The following PPP2R5E variants were observed in gnomAD, a reference collection of about 807,000 sequenced individuals.
The protein encoded by PPP2R5E is serine/threonine-protein phosphatase 2A 56 kDa regulatory subunit epsilon isoform.
PPP2R5E carries 4 observed loss-of-function variants against 65.3 expected under a neutral mutation model. That is an observed-to-expected ratio of 0.06 (90% confidence interval 0.03 to 0.14). The LOEUF (loss-of-function observed/expected upper bound fraction) is 0.14, where lower values mean the gene tolerates loss of function less well. Ranked by LOEUF, PPP2R5E falls within the 10% of genes least tolerant of loss-of-function variation. The pLI is 1.00. For synonymous variants in PPP2R5E, 183 were observed against 187.4 expected, an observed-to-expected ratio of 0.98 and a Z score of 0.19; for missense variants, 274 against 556.1, an observed-to-expected ratio of 0.49 and a Z score of 5.10.
chr14:63,383,151 G>A (rs1185340934), intron 12 of PPP2R5E, among the ~76,000 whole-genome samples: 1 of 152,140 alleles, frequency 6.6e-6, no homozygotes, highest in Non-Finnish European at 1.5e-5. Context: ...TTAGCTCTTG[G>A]GCAATGTGAG....
intron 3 of PPP2R5E, among the ~76,000 whole-genome samples, chr14:63,450,117 C>A (rs986734645): frequency 2.0e-5 from 3 of 152,090 alleles, no homozygotes; most frequent in African/African-American, 7.2e-5. Flanking sequence ...CTCAAGTGAT[C>A]CACGCGCCTC....
intron 2 of PPP2R5E, among the ~76,000 whole-genome samples, chr14:63,480,218 G>A (rs547967624): frequency 6.6e-6 from 1 of 152,132 alleles, no homozygotes; most frequent in African/African-American, 2.4e-5. Context: ...AGCACTTTGG[G>A]AGGCCAAGGA....
At position 63,396,696 on chromosome 14, in the gene PPP2R5E, G is replaced by A. The variant is rs148896607; in HGVS notation, c.570C>T (p.Ser190=). The change falls in exon 6 of 14, where the codon AGC becomes AGT. Residue 190 remains serine, a synonymous_variant. Coordinates refer to ENST00000337537, the MANE Select transcript of PPP2R5E (RefSeq NM_006246.5). ...FVLQLLELFD[S]EDPRERDYLK... ...AGTAGTCCCGTTCCCGAGGGTCTTCGCTGTCAAATAGCTCCAGAAGCTGTT... is the reference window on the plus strand; with the variant it reads ...AGTAGTCCCGTTCCCGAGGGTCTTCACTGTCAAATAGCTCCAGAAGCTGTT... 118 of 1,613,388 alleles carry A rather than the reference G, an allele frequency of 7.3e-5. No individual in the cohort carries two copies. The African/African-American group carries it at 1.2e-3, about 16-fold the overall frequency.
At chr14:63,479,551 G>T (rs990478005) in intron 2 of PPP2R5E, 9 of 152,136 alleles carry the variant, frequency 5.9e-5, no homozygotes, top group African/African-American at 2.4e-5. Flanking sequence ...TCTACACTTA[G>T]AACAGACACT....
chr14:63,385,351 G>C (rs1055321143), intron 11 of PPP2R5E, among the ~76,000 whole-genome samples: 51 of 152,104 alleles, frequency 3.4e-4, no homozygotes, highest in African/African-American at 1.2e-3. Flanking sequence ...AAAAAGTCCA[G>C]AGTGGTTCAA....
Position 63,489,584 on chromosome 14 carries a change from A to AT in PPP2R5E, c.158-35700dup, listed in dbSNP as rs1891187450. Among the ~76,000 whole-genome samples the AT allele has an allele frequency of 4.0e-5, 6 of 151,616 alleles. No individual in the cohort carries two copies. The South Asian group carries it at 8.3e-4, about 21-fold the overall frequency. On this transcript the variant is annotated intron_variant, in intron 2 of 13. Coordinates refer to ENST00000337537, the MANE Select transcript of PPP2R5E (RefSeq NM_006246.5). ...ACCACCATGTCCAGCCAATTTTTGTATTTTTTGTAGAGATGGGGTTTTGCC... is the reference window on the plus strand; with the variant it reads ...ACCACCATGTCCAGCCAATTTTTGTATTTTTTTGTAGAGATGGGGTTTTGCC...
intron 5 of PPP2R5E, among the ~76,000 whole-genome samples, chr14:63,405,243 C>T (rs1885995945): frequency 1.3e-5 from 2 of 152,156 alleles, no homozygotes; most frequent in South Asian, 4.1e-4. Flanking sequence ...TTGCTATAGG[C>T]TGTGAGAGAG....
chr14:63,451,779 G>C (rs894781831), intron 3 of PPP2R5E: 3 of 151,946 alleles, frequency 2.0e-5, no homozygotes, highest in Admixed American at 2.0e-4. Context: ...GTGGGAGTGA[G>C]GGGGGAGGTG....
rs1470340136 is a variant in PPP2R5E at position 63,531,498 on chromosome 14, A to T, written c.157+8031T>A. Among the ~76,000 whole-genome samples the T allele has an allele frequency of 1.4e-4, 21 of 152,078 alleles. 1 individual carries two copies. ...TAAAATTAAAAAGAAAAAAAAAAAT[A>T]ACATAGTTTGGCACTTGCTTTTGTG... On this transcript the variant is annotated intron_variant, in intron 2 of 13. Transcript: ENST00000337537.
At chr14:63,456,176 T>G (rs965198907) in intron 2 of PPP2R5E, among the ~76,000 whole-genome samples, 4 of 152,256 alleles carry the variant, frequency 2.6e-5, no homozygotes, top group Non-Finnish European at 5.9e-5. Flanking sequence ...AATCAGACTA[T>G]CTACATGTTG....
intron 2 of PPP2R5E, among the ~76,000 whole-genome samples, chr14:63,457,901 AGAATGCAAT>A (rs1889217880): frequency 1.3e-5 from 2 of 152,228 alleles, no homozygotes; most frequent in South Asian, 4.2e-4. Context: ...CACCAAGAAA[AGAATGCAAT>A]GACCAGCTAA....
intron 2 of PPP2R5E, among the ~76,000 whole-genome samples, chr14:63,465,351 C>T (rs1046292535): frequency 1.3e-5 from 2 of 150,682 alleles, no homozygotes; most frequent in East Asian, 2.0e-4. Context: ...TGGTGGCTCA[C>T]GCCCGTAATC....
chr14:63,482,574 T>C (rs1890767497), intron 2 of PPP2R5E, among the ~76,000 whole-genome samples: 1 of 152,124 alleles, frequency 6.6e-6, no homozygotes, highest in East Asian at 1.9e-4. Context: ...TATTTAGTTG[T>C]TGGGGTTTGG....
intron 2 of PPP2R5E, among the ~76,000 whole-genome samples, chr14:63,526,878 A>G (rs1893204310): frequency 6.6e-6 from 1 of 152,196 alleles, no homozygotes; most frequent in South Asian, 2.1e-4. Context: ...TTCCAAATTA[A>G]GTTTACCTAG....
At chr14:63,533,247 C>A (rs925339526) in intron 2 of PPP2R5E, among the ~76,000 whole-genome samples, 43 of 151,698 alleles carry the variant, frequency 2.8e-4, no homozygotes, top group African/African-American at 9.7e-4. Flanking sequence ...CAGATATAGA[C>A]GAAAAAGGCA....
intron 5 of PPP2R5E, 21 bp downstream of exon 5, chr14:63,415,119 C>A: frequency 6.7e-7 from 1 of 1,499,756 alleles, no homozygotes; most frequent in Non-Finnish European, 9.3e-7. Flanking sequence ...CAAATACACA[C>A]AACCACAATA....
At chr14:63,530,765 T>A (rs1893394209) in intron 2 of PPP2R5E, among the ~76,000 whole-genome samples, 1 of 148,302 alleles carries the variant, frequency 6.7e-6, no homozygotes, top group Non-Finnish European at 1.5e-5. Context: ...CAGGTGCGCA[T>A]CACCACGCCT....
At chr14:63,485,872 A>T (rs1043554423) in intron 2 of PPP2R5E, among the ~76,000 whole-genome samples, 2 of 134,778 alleles carry the variant, frequency 1.5e-5, no homozygotes, top group Admixed American at 1.6e-4. Flanking sequence ...TCTGTCACCC[A>T]GGGCTGGAGT....
intron 2 of PPP2R5E, among the ~76,000 whole-genome samples, chr14:63,494,896 C>T (rs1471439450): frequency 1.3e-5 from 2 of 149,462 alleles, no homozygotes; most frequent in African/African-American, 4.9e-5. Context: ...GACCTTATCT[C>T]AAAAAACAAA....
Sources: gnomAD v4.1 joint callset for allele counts (sites outside exome capture counted in the v4.1 genomes callset) on GRCh38, gnomAD v4.1.1 for gene constraint, MANE v1.5 for transcripts, NCBI Gene and HGNC (gene_info 2026-07-23, HGNC 2026-07-21) for gene names.